RSPO4: variants seen among roughly 807,000 people sequenced by gnomAD.
RSPO4 encodes R-spondin-4.
A neutral mutation model predicts 24.8 loss-of-function variants in RSPO4; 23 were observed. That is an observed-to-expected ratio of 0.93 (90% CI 0.67 to 1.31). The LOEUF (loss-of-function observed/expected upper bound fraction) is 1.31, where lower values mean the gene tolerates loss of function less well. Among genes scored for constraint, RSPO4 ranks in the 40% most tolerant of loss-of-function variants. RSPO4 has a pLI of 0.00. For synonymous variants in RSPO4, 141 were observed against 127.4 expected (o/e 1.11, Z -0.72); for missense variants, 333 against 316.5 (o/e 1.05, Z -0.39).
Position 967,935 on chromosome 20 carries a change from G to C in RSPO4, c.268+15C>G, listed in dbSNP as rs751837901. ...GAGCCCAGCACTAGCATAGAACAAGGGAGAAGCCACGTACTTTTGCACCTG... is the reference window on the plus strand; with the variant it reads ...GAGCCCAGCACTAGCATAGAACAAGCGAGAAGCCACGTACTTTTGCACCTG... On this transcript the variant is annotated intron_variant, in intron 2 of 4. Coordinates refer to ENST00000217260, the MANE Select transcript of RSPO4 (RefSeq NM_001029871.4). 6.2e-7 allele frequency: 1 copy of C among 1,613,626 alleles called. No individual in the cohort carries two copies. Among genetic ancestry groups the C allele is most frequent in the East Asian group, 2.2e-5 (1 of 44,880 alleles).
intron 1 of RSPO4, among the ~76,000 whole-genome samples, chr20:986,488 G>A (rs1984925573): frequency 6.6e-6 from 1 of 152,116 alleles, no homozygotes; most frequent in Admixed American, 6.5e-5. Flanking sequence ...GAGTCAGGCA[G>A]TGATGGGGAA....
At chr20:967,013 T>C (rs1198270324) in intron 3 of RSPO4, among the ~76,000 whole-genome samples, 161 bp downstream of exon 3, 1 of 152,248 alleles carries the variant, frequency 6.6e-6, no homozygotes, top group Non-Finnish European at 1.5e-5. Context: ...TTGCAGTTAC[T>C]ATGTGGAGGT....
intron 1 of RSPO4, among the ~76,000 whole-genome samples, chr20:971,026 G>A (rs964066916): frequency 1.3e-5 from 2 of 152,060 alleles, no homozygotes; most frequent in Non-Finnish European, 2.9e-5. Context: ...AAAAACTTTT[G>A]TACAGATGGT....
chr20:985,681 C>A (rs1984899079), intron 1 of RSPO4, among the ~76,000 whole-genome samples: 1 of 152,234 alleles, frequency 6.6e-6, no homozygotes, highest in South Asian at 2.1e-4. Context: ...AGGGGGCCAA[C>A]TATCTTTGTC....
chr20:960,509 C>G, intron 4 of RSPO4, 43 bp from the exon 5 acceptor site: 1 of 1,418,236 alleles, frequency 7.1e-7, no homozygotes, highest in Non-Finnish European at 9.6e-7. Context: ...GCTGCAGGGC[C>G]AGTTAGGTCC....
chr20:965,205 G>A (rs974324675), intron 3 of RSPO4, among the ~76,000 whole-genome samples: 5 of 152,100 alleles, frequency 3.3e-5, no homozygotes, highest in African/African-American at 1.2e-4. Context: ...GAAGCAGCAT[G>A]GGTTGGGTTG....
intron 4 of RSPO4, among the ~76,000 whole-genome samples, chr20:961,762 T>C (rs571652066): frequency 3.9e-4 from 59 of 152,110 alleles, no homozygotes; most frequent in African/African-American, 1.3e-3. Flanking sequence ...GCTGCTCATG[T>C]ACCCATCCAG....
intron 1 of RSPO4, among the ~76,000 whole-genome samples, chr20:1,001,339 G>C (rs1240495285): frequency 6.6e-6 from 1 of 152,220 alleles, no homozygotes; most frequent in Non-Finnish European, 1.5e-5. Flanking sequence ...TGCAGGGACA[G>C]CCTCCAACCC....
intron 1 of RSPO4, among the ~76,000 whole-genome samples, chr20:993,834 G>A (rs1985188758): frequency 1.3e-5 from 2 of 152,130 alleles, no homozygotes; most frequent in South Asian, 2.1e-4. Flanking sequence ...TAAAATGTGG[G>A]TAATAACAGG....
intron 1 of RSPO4, among the ~76,000 whole-genome samples, chr20:979,089 A>C (rs1378086167): frequency 3.3e-5 from 5 of 151,878 alleles, no homozygotes; most frequent in African/African-American, 1.2e-4. Flanking sequence ...CTCATATCCT[A>C]CTATTGGCCC....
intron 1 of RSPO4, among the ~76,000 whole-genome samples, chr20:989,847 G>A (rs111915232): frequency 0.024 from 3,648 of 152,262 alleles, 145 homozygotes; most frequent in African/African-American, 0.083. Context: ...AGCTGGAGAC[G>A]CGGGCCTCTG....
rs555514376 is a variant in RSPO4, at chr20:970,740, C to CA, written c.80-2603_80-2602insT. On this transcript the variant is annotated intron_variant, in intron 1 of 4. Coordinates refer to ENST00000217260, the MANE Select transcript of RSPO4 (RefSeq NM_001029871.4). This position sits in a 1 kb window ranked among gnomAD's most constrained non-coding sequence, Gnocchi z 4.1. ...GCTGGCAAGAATGAGAGGAAACCTT[C>CA]GCTTTTTCACCTTAGATAGGAGTGT... 6.5e-4 allele frequency among the ~76,000 whole-genome samples: 99 copies of CA among 152,296 alleles called. No individual in the cohort carries two copies. The highest frequency in any genetic ancestry group is 2.1e-3 in the African/African-American group (88 of 41,570).
At chr20:969,454 C>T (rs1031784220) in intron 1 of RSPO4, among the ~76,000 whole-genome samples, 2 of 152,214 alleles carry the variant, frequency 1.3e-5, no homozygotes, top group Admixed American at 6.5e-5. Flanking sequence ...CAAGAAGGTG[C>T]CAGCATCTCA....
intron 1 of RSPO4, among the ~76,000 whole-genome samples, chr20:996,555 T>C (rs747878142): frequency 3.2e-4 from 48 of 152,206 alleles, no homozygotes; most frequent in Non-Finnish European, 5.6e-4. Context: ...AAGAGCCCAA[T>C]AGTAAATACT....
chr20:961,034 A>T (rs898958702), intron 4 of RSPO4, among the ~76,000 whole-genome samples: 1 of 152,052 alleles, frequency 6.6e-6, no homozygotes, highest in Non-Finnish European at 1.5e-5. Flanking sequence ...CGTCTTCTCC[A>T]ATTGTCCTCT....
At chr20:971,615 C>T (rs557013507) in intron 1 of RSPO4, among the ~76,000 whole-genome samples, 6 of 152,028 alleles carry the variant, frequency 3.9e-5, no homozygotes, top group Admixed American at 2.0e-4. Flanking sequence ...GCAAGGTGCA[C>T]GATGAATCAT....
intron 1 of RSPO4, among the ~76,000 whole-genome samples, chr20:969,713 C>T (rs149099472): frequency 8.7e-4 from 133 of 152,030 alleles, no homozygotes; most frequent in Non-Finnish European, 1.3e-3. Context: ...CTGGGAGGTG[C>T]CCCAGCAGTA....
chr20:995,540 C>T (rs1233673284), intron 1 of RSPO4, among the ~76,000 whole-genome samples: 1 of 149,444 alleles, frequency 6.7e-6, no homozygotes, highest in South Asian at 2.2e-4. Context: ...ATCATTCCAC[C>T]TTCCAGGAGC....
Position 959,487 on chromosome 20 carries a change from C to A in RSPO4, c.*870G>T, listed in dbSNP as rs1017159200. The A allele has an allele frequency of 6.6e-6, 1 of 152,384 alleles. No individual in the cohort carries two copies. Among genetic ancestry groups the A allele is most frequent in the South Asian group, 2.1e-4 (1 of 4,830 alleles). 9.4% of individuals were successfully genotyped at this position (152,384 alleles called of 1,614,324 possible). A position where few individuals can be genotyped will look rare whatever the true frequency, so the allele number is the denominator to read the frequency against. The stretch of plus-strand genomic sequence containing the variant: ...CAGCTTTCCTTTCCGTTTCAGTGGC[C>A]TCTTCTGGGCTGGGCAGGTGGATCC... On this transcript the variant is annotated 3_prime_UTR_variant, in exon 5 of 5. Coordinates refer to ENST00000217260, the MANE Select transcript of RSPO4 (RefSeq NM_001029871.4).
Sources: gnomAD v4.1 joint callset for allele counts (sites outside exome capture counted in the v4.1 genomes callset) on GRCh38, gnomAD v4.1.1 for gene constraint, Gnocchi (gnomAD v3.1) non-coding constraint, MANE v1.5 for transcripts, NCBI Gene and HGNC (gene_info 2026-07-23, HGNC 2026-07-21) for gene names.